COL4A1: variants seen among roughly 807,000 people sequenced by gnomAD.
The protein encoded by COL4A1 is collagen type IV alpha 1 chain.
In COL4A1, 40 loss-of-function variants were observed where a neutral mutation model predicts 216.6. The observed-to-expected ratio is 0.18, with a 90% CI of 0.14 to 0.24. The LOEUF is 0.24. COL4A1 is among the 10% of genes least tolerant of loss of function. The probability of loss-of-function intolerance (pLI) is 1.00; values close to 1 mark genes in which losing one functional copy is unlikely to be tolerated. For synonymous variants in COL4A1, 839 were observed against 810.7 expected, an observed-to-expected ratio of 1.03 and a Z score of -0.59; for missense variants, 1,628 against 2,196.8, an observed-to-expected ratio of 0.74 and a Z score of 5.18.
rs1317395689 is a variant in COL4A1, at chr13:110,264,447, T to C, written c.85-21713A>G. Reference sequence around the variant, plus strand: ...CCCAAAACCAAATCCAAATTCCCAATAATTCCTAAGAACAACAGAGGGAGG... The same window carrying C: ...CCCAAAACCAAATCCAAATTCCCAACAATTCCTAAGAACAACAGAGGGAGG... On this transcript the variant is annotated intron_variant, in intron 1 of 51. Coordinates refer to ENST00000375820, the MANE Select transcript of COL4A1 (RefSeq NM_001845.6). 3.3e-5 allele frequency among the ~76,000 whole-genome samples: 5 copies of C among 151,588 alleles called. No individual in the cohort carries two copies. In the East Asian group the frequency reaches 9.7e-4, roughly 29 times the overall value.
chr13:110,243,378 C>T (rs763922756), intron 1 of COL4A1, among the ~76,000 whole-genome samples: 3 of 151,736 alleles, frequency 2.0e-5, no homozygotes, highest in African/African-American at 4.8e-5. Context: ...AGTGCAATGG[C>T]GTGATCTTGG....
rs191905531 is a variant in COL4A1, at chr13:110,172,607, G to A, written c.3556+113C>T. ...GGGCTCAGCACCCATCCTCCATCCC[G>A]TTGCTGCCTGGCCAACAGGCATGGG... On this transcript the variant is annotated intron_variant, in intron 41 of 51. Coordinates refer to ENST00000375820, the MANE Select transcript of COL4A1 (RefSeq NM_001845.6). 431 of 1,022,618 alleles carry A rather than the reference G, an allele frequency of 4.2e-4. No homozygotes were observed. In the African/African-American group the frequency reaches 5.0e-3, roughly 12 times the overall value. 63.3% of individuals were successfully genotyped at this position (1,022,618 alleles called of 1,614,324 possible). A position where few individuals can be genotyped will look rare whatever the true frequency, so the allele number is the denominator to read the frequency against.
chr13:110,192,150 A>G, intron 24 of COL4A1, 64 bp downstream of exon 24: 1 of 1,538,510 alleles, frequency 6.5e-7, no homozygotes, highest in African/African-American at 1.4e-5. Context: ...AAAACGACAC[A>G]ACTCTGTCCA....
At chr13:110,157,966 T>C (rs576504672) in intron 49 of COL4A1, among the ~76,000 whole-genome samples, 37 of 152,292 alleles carry the variant, frequency 2.4e-4, no homozygotes, top group African/African-American at 8.9e-4. Context: ...AATGTCAACA[T>C]TGCCAAGAAA....
At chr13:110,248,428 C>T (rs564169388) in intron 1 of COL4A1, among the ~76,000 whole-genome samples, 1 of 152,320 alleles carries the variant, frequency 6.6e-6, no homozygotes, top group East Asian at 1.9e-4. Flanking sequence ...GGATAAGCCC[C>T]ACGGCCACAC....
chr13:110,161,987 C>G, intron 48 of COL4A1: 1 of 571,462 alleles, frequency 1.7e-6, no homozygotes. Context: ...TAAAGATTTT[C>G]GAAGATTCAG....
At chr13:110,300,403 A>G (rs1157763819) in intron 1 of COL4A1, among the ~76,000 whole-genome samples, 1 of 152,258 alleles carries the variant, frequency 6.6e-6, no homozygotes, top group Non-Finnish European at 1.5e-5. Flanking sequence ...CTTTCAAAAC[A>G]TTGAATTACA....
At chr13:110,181,579 C>T (rs116536483) in intron 28 of COL4A1, among the ~76,000 whole-genome samples, 190 bp from the exon 29 acceptor site, 1,570 of 152,252 alleles carry the variant, frequency 0.01, 19 homozygotes, top group African/African-American at 0.036. Context: ...AGGTGCGTTG[C>T]TGTCTCTTCC....
At chr13:110,179,932 T>C (rs1165972292) in intron 29 of COL4A1, among the ~76,000 whole-genome samples, 1 of 152,208 alleles carries the variant, frequency 6.6e-6, no homozygotes, top group African/African-American at 2.4e-5. Flanking sequence ...TGGGCTTTGA[T>C]AGATACAGAT....
chr13:110,219,049 GC>G (rs1419765961), intron 2 of COL4A1, among the ~76,000 whole-genome samples: 1 of 152,166 alleles, frequency 6.6e-6, no homozygotes, highest in Non-Finnish European at 1.5e-5. Flanking sequence ...CCTGAATGCC[GC>G]CGCTGGGAAA....
intron 50 of COL4A1, among the ~76,000 whole-genome samples, chr13:110,154,188 T>G (rs1876654542): frequency 6.6e-6 from 1 of 152,230 alleles, no homozygotes; most frequent in Non-Finnish European, 1.5e-5. Flanking sequence ...GATGTATGTG[T>G]AGGGTCATTT....
At chr13:110,244,212 G>T (rs183797413) in intron 1 of COL4A1, among the ~76,000 whole-genome samples, 1 of 152,064 alleles carries the variant, frequency 6.6e-6, no homozygotes, top group Non-Finnish European at 1.5e-5. Flanking sequence ...CCATGGAGAC[G>T]CCTGCATAAA....
chr13:110,260,908 G>A (rs1594099493), intron 1 of COL4A1, among the ~76,000 whole-genome samples: 2 of 151,960 alleles, frequency 1.3e-5, no homozygotes, highest in East Asian at 3.9e-4. Context: ...GCGGTGGAGG[G>A]CACCTGTAGT....
intron 2 of COL4A1, among the ~76,000 whole-genome samples, chr13:110,240,909 G>A (rs899088959): frequency 4.6e-5 from 7 of 152,154 alleles, no homozygotes; most frequent in Admixed American, 1.3e-4. Context: ...TTGCTCTGTC[G>A]CCTAGGCTAG....
intron 2 of COL4A1, among the ~76,000 whole-genome samples, chr13:110,219,697 T>C (rs796261535): frequency 3.8e-4 from 47 of 122,320 alleles, no homozygotes; most frequent in East Asian, 8.9e-4. Flanking sequence ...TATGTATATA[T>C]ATGTATATAC....
At chr13:110,175,973 G>A (rs536701220) in intron 36 of COL4A1, among the ~76,000 whole-genome samples, 4 of 152,274 alleles carry the variant, frequency 2.6e-5, no homozygotes, top group African/African-American at 4.8e-5. Flanking sequence ...TCCTCTTCCC[G>A]GCTGCTCTCA....
At chr13:110,169,560 G>C in intron 43 of COL4A1, 69 bp downstream of exon 43, 1 of 1,602,618 alleles carries the variant, frequency 6.2e-7, no homozygotes, top group Non-Finnish European at 8.5e-7. Context: ...TACACACATA[G>C]ACACATATGA....
chr13:110,277,178 G>C (rs1883463631), intron 1 of COL4A1, among the ~76,000 whole-genome samples: 3 of 152,174 alleles, frequency 2.0e-5, no homozygotes, highest in Non-Finnish European at 2.9e-5. Flanking sequence ...GTCCTCTGTA[G>C]TTATATTCCA....
chr13:110,213,490 T>A (rs1879917752), intron 4 of COL4A1, among the ~76,000 whole-genome samples: 1 of 151,906 alleles, frequency 6.6e-6, no homozygotes, highest in African/African-American at 2.4e-5. Flanking sequence ...TCCCCCAAAT[T>A]AAAAAATGCC....
Sources: gnomAD v4.1 joint callset for allele counts (sites outside exome capture counted in the v4.1 genomes callset) on GRCh38, gnomAD v4.1.1 for gene constraint, MANE v1.5 for transcripts, NCBI Gene and HGNC (gene_info 2026-07-23, HGNC 2026-07-21) for gene names.